The following SLC35F3 variants were observed in gnomAD, a reference collection of about 807,000 sequenced individuals.
SLC35F3 encodes putative thiamine transporter SLC35F3.
In SLC35F3, 25 loss-of-function variants were observed where a neutral mutation model predicts 49.9. The observed-to-expected ratio is 0.50, with a 90% CI of 0.37 to 0.70. The LOEUF is 0.70. Ranked by LOEUF, SLC35F3 falls within the 30% of genes least tolerant of loss-of-function variation. The pLI is 0.00. For synonymous variants in SLC35F3, 275 were observed against 265.4 expected, an observed-to-expected ratio of 1.04 and a Z score of -0.35; for missense variants, 525 against 639.8, an observed-to-expected ratio of 0.82 and a Z score of 1.94.
At position 233,989,328 on chromosome 1, in the gene SLC35F3, T is replaced by C. The variant is rs184141730; in HGVS notation, c.283+83570T>C. Among the ~76,000 whole-genome samples the C allele has an allele frequency of 2.6e-3, 397 of 152,350 alleles. 1 individual carries two copies. Among genetic ancestry groups the C allele is most frequent in the Middle Eastern group, 0.017 (5 of 294 alleles). On this transcript the variant is annotated intron_variant, in intron 2 of 7. Transcript: ENST00000366618. ...AGAATTTCTATGAAAACTTTTTTGT[T>C]TCATAATGAAATTTTCTGTTTGTAT... is the stretch of plus-strand genomic sequence containing the variant.
chr1:234,229,650 T>G (rs1391429238), intron 2 of SLC35F3, among the ~76,000 whole-genome samples: 1 of 152,230 alleles, frequency 6.6e-6, no homozygotes. Context: ...TTGTGAACTT[T>G]TTTTTCATCT....
At chr1:234,108,701 A>ATT (rs1245223320) in intron 2 of SLC35F3, among the ~76,000 whole-genome samples, 1 of 104,486 alleles carries the variant, frequency 9.6e-6, no homozygotes, top group African/African-American at 3.9e-5. Flanking sequence ...TAAAATATAT[A>ATT]TTATATATAT....
intron 3 of SLC35F3, among the ~76,000 whole-genome samples, chr1:234,237,863 G>C (rs917239030): frequency 6.6e-6 from 1 of 152,074 alleles, no homozygotes; most frequent in Non-Finnish European, 1.5e-5. Context: ...CTTCGTTATT[G>C]TTATTGTATT....
intron 3 of SLC35F3, among the ~76,000 whole-genome samples, chr1:234,273,488 G>C (rs75378782): frequency 0.06 from 9,146 of 152,254 alleles, 330 homozygotes; most frequent in African/African-American, 0.097. Flanking sequence ...GAGCATTTTT[G>C]AAGAGGCAGC....
At chr1:233,914,147 A>G (rs1039006452) in intron 2 of SLC35F3, among the ~76,000 whole-genome samples, 1 of 152,092 alleles carries the variant, frequency 6.6e-6, no homozygotes, top group African/African-American at 2.4e-5. Context: ...GGCCGTGTAG[A>G]TTAGACCAGG....
intron 3 of SLC35F3, among the ~76,000 whole-genome samples, chr1:234,279,011 G>A (rs74796443): frequency 0.063 from 9,518 of 152,164 alleles, 344 homozygotes; most frequent in African/African-American, 0.098. Context: ...ACAGCCTCAC[G>A]AGGTCCTGAT....
intron 2 of SLC35F3, among the ~76,000 whole-genome samples, chr1:234,079,249 G>A (rs1038218290): frequency 6.6e-6 from 1 of 152,142 alleles, no homozygotes; most frequent in Non-Finnish European, 1.5e-5. Flanking sequence ...AAATGGTGCT[G>A]GGACATGAGT....
intron 3 of SLC35F3, among the ~76,000 whole-genome samples, chr1:234,305,126 A>C (rs572926063): frequency 6.6e-5 from 10 of 152,356 alleles, no homozygotes; most frequent in African/African-American, 2.4e-4. Context: ...GTGTTTGTTG[A>C]TATGAATTAA....
Position 233,912,352 on chromosome 1 carries a change from C to T in SLC35F3, c.283+6594C>T, listed in dbSNP as rs955278986. The stretch of plus-strand genomic sequence containing the variant: ...AATTAGACCGGCATGGTGGTGGGCA[C>T]CTGTAATCCCAGCTTCTCGGGAGGC... On this transcript the variant is annotated intron_variant, in intron 2 of 7. Coordinates refer to ENST00000366618, the MANE Select transcript of SLC35F3 (RefSeq NM_173508.4). 1.1e-4 allele frequency among the ~76,000 whole-genome samples: 17 copies of T among 151,948 alleles called. 1 individual carries two copies. Among genetic ancestry groups the T allele is most frequent in the Non-Finnish European group, 4.4e-5 (3 of 67,988 alleles).
intron 2 of SLC35F3, among the ~76,000 whole-genome samples, chr1:234,126,270 C>A (rs1277716730): frequency 6.6e-6 from 1 of 152,176 alleles, no homozygotes; most frequent in Non-Finnish European, 1.5e-5. Flanking sequence ...TCATCTCTAC[C>A]TATTAAAGCC....
chr1:234,107,499 C>T (rs964672339), intron 2 of SLC35F3, among the ~76,000 whole-genome samples: 3 of 152,136 alleles, frequency 2.0e-5, no homozygotes, highest in African/African-American at 7.2e-5. Flanking sequence ...AAAGAATTGG[C>T]ACCAGTAATT....
chr1:234,113,863 C>A (rs1380757901), intron 2 of SLC35F3, among the ~76,000 whole-genome samples: 1 of 152,114 alleles, frequency 6.6e-6, no homozygotes, highest in African/African-American at 2.4e-5. Context: ...AACGCCATCT[C>A]CAAAATAAAA....
At chr1:234,225,531 C>T (rs1027683200) in intron 2 of SLC35F3, among the ~76,000 whole-genome samples, 2 of 152,102 alleles carry the variant, frequency 1.3e-5, no homozygotes, top group East Asian at 1.9e-4. Context: ...CCCATTTGGA[C>T]GCAATTAGAT....
chr1:234,206,546 G>A (rs896594250), intron 2 of SLC35F3, among the ~76,000 whole-genome samples: 3 of 151,822 alleles, frequency 2.0e-5, no homozygotes, highest in South Asian at 2.1e-4. Context: ...CCAAAGACGT[G>A]CCCACCTTGA....
At chr1:234,055,548 C>A (rs548271893) in intron 2 of SLC35F3, among the ~76,000 whole-genome samples, 8 of 152,272 alleles carry the variant, frequency 5.3e-5, no homozygotes, top group African/African-American at 1.9e-4. Flanking sequence ...TTCCTGGTAC[C>A]GTCTGTCACG....
At chr1:233,964,827 A>G (rs1450661870) in intron 2 of SLC35F3, among the ~76,000 whole-genome samples, 1 of 152,194 alleles carries the variant, frequency 6.6e-6, no homozygotes, top group Non-Finnish European at 1.5e-5. Flanking sequence ...CTGCCTGGCC[A>G]TTTCCCCTCT....
chr1:234,059,781 C>A (rs1275523528), intron 2 of SLC35F3, among the ~76,000 whole-genome samples: 1 of 152,148 alleles, frequency 6.6e-6, no homozygotes, highest in Non-Finnish European at 1.5e-5. Flanking sequence ...CAGTCCGAGT[C>A]CCAAAATTGA....
chr1:233,948,546 C>CT (rs199796352), intron 2 of SLC35F3, among the ~76,000 whole-genome samples: 1,546 of 143,648 alleles, frequency 0.011, 6 homozygotes, highest in Non-Finnish European at 0.015. Flanking sequence ...TAAGGCGTTT[C>CT]TTTTTTTTTT....
intron 2 of SLC35F3, among the ~76,000 whole-genome samples, chr1:233,956,778 A>G (rs1338275380): frequency 6.6e-6 from 1 of 152,210 alleles, no homozygotes; most frequent in East Asian, 1.9e-4. Flanking sequence ...GCAGCTGTGG[A>G]TGAAACCTGG....
Sources: gnomAD v4.1 joint callset for allele counts (sites outside exome capture counted in the v4.1 genomes callset) on GRCh38, gnomAD v4.1.1 for gene constraint, MANE v1.5 for transcripts, NCBI Gene and HGNC (gene_info 2026-07-23, HGNC 2026-07-21) for gene names.